JAKMIP2: variants seen among roughly 807,000 people sequenced by gnomAD.
JAKMIP2 encodes the protein janus kinase and microtubule interacting protein 2, also known as janus kinase and microtubule-interacting protein 2.
In JAKMIP2, 25 loss-of-function variants were observed where a neutral mutation model predicts 115.0. That is an observed-to-expected ratio of 0.22 (90% CI 0.16 to 0.30). The LOEUF is 0.30. Among genes scored for constraint, JAKMIP2 ranks in the 10% least tolerant of loss-of-function variants. The pLI, the probability that JAKMIP2 is intolerant of heterozygous loss-of-function variation, is 1.00. For missense variants in JAKMIP2, 642 were observed against 957.6 expected (o/e 0.67, Z 4.35); for synonymous variants, 334 against 343.6 (o/e 0.97, Z 0.31).
chr5:147,695,688 GACAGAGAC>G (rs1752078192), intron 1 of JAKMIP2, among the ~76,000 whole-genome samples: 1 of 145,720 alleles, frequency 6.9e-6, no homozygotes, highest in African/African-American at 2.6e-5. Flanking sequence ...GAGAGAGAGA[GACAGAGAC>G]AGAGACAGAG....
intron 1 of JAKMIP2, among the ~76,000 whole-genome samples, chr5:147,700,322 A>G (rs1348460769): frequency 6.6e-6 from 1 of 152,180 alleles, no homozygotes; most frequent in African/African-American, 2.4e-5. Flanking sequence ...AATAATTATA[A>G]TTGAAAATTA....
intron 1 of JAKMIP2, among the ~76,000 whole-genome samples, chr5:147,683,013 T>C (rs569948131): frequency 6.6e-6 from 1 of 152,342 alleles, no homozygotes; most frequent in South Asian, 2.1e-4. Context: ...TTGTATTTTT[T>C]CTCTGGATTC....
chr5:147,627,689 A>AC (rs1217261874), intron 16 of JAKMIP2, among the ~76,000 whole-genome samples: 3 of 150,100 alleles, frequency 2.0e-5, no homozygotes, highest in Admixed American at 6.6e-5. Context: ...AAAAAAAAAA[A>AC]AAAAAAAAAA....
intron 1 of JAKMIP2, among the ~76,000 whole-genome samples, chr5:147,728,296 G>C (rs1753597138): frequency 6.6e-6 from 1 of 152,110 alleles, no homozygotes; most frequent in Non-Finnish European, 1.5e-5. Flanking sequence ...TCCCATCAGG[G>C]TGGGCTAATC....
intron 1 of JAKMIP2, among the ~76,000 whole-genome samples, chr5:147,689,311 G>A (rs532866639): frequency 6.6e-6 from 1 of 152,292 alleles, no homozygotes; most frequent in South Asian, 2.1e-4. Flanking sequence ...TTTACTCAGA[G>A]TGGGTAGGAA....
intron 18 of JAKMIP2, among the ~76,000 whole-genome samples, chr5:147,619,245 T>A (rs1403770499): frequency 6.6e-6 from 1 of 152,204 alleles, no homozygotes; most frequent in Non-Finnish European, 1.5e-5. Flanking sequence ...AATATGGTTT[T>A]CTGAATGAGT....
chr5:147,640,237 T>G (rs900511488), intron 9 of JAKMIP2, among the ~76,000 whole-genome samples: 2 of 152,198 alleles, frequency 1.3e-5, no homozygotes, highest in African/African-American at 2.4e-5. Flanking sequence ...CAGGGAATTT[T>G]GGGAAACAAT....
intron 1 of JAKMIP2, among the ~76,000 whole-genome samples, chr5:147,692,307 A>G (rs1403596864): frequency 6.6e-6 from 1 of 152,208 alleles, no homozygotes; most frequent in East Asian, 1.9e-4. Context: ...TAGTCTTCTT[A>G]GAGCTCCGGA....
chr5:147,719,538 T>G (rs1267942868), intron 1 of JAKMIP2, among the ~76,000 whole-genome samples: 1 of 152,096 alleles, frequency 6.6e-6, no homozygotes, highest in African/African-American at 2.4e-5. Flanking sequence ...GCTCCTGTGT[T>G]GGGTGCATAT....
intron 2 of JAKMIP2, among the ~76,000 whole-genome samples, chr5:147,662,373 C>A (rs936174071): frequency 1.3e-5 from 2 of 152,104 alleles, no homozygotes; most frequent in Non-Finnish European, 2.9e-5. Context: ...TAAAATATTT[C>A]GAATAAGCTT....
intron 1 of JAKMIP2, among the ~76,000 whole-genome samples, chr5:147,765,920 T>G (rs1003464920): frequency 5.9e-5 from 9 of 152,202 alleles, no homozygotes; most frequent in Admixed American, 3.9e-4. Flanking sequence ...TGATACTTGT[T>G]TAAACATTTA....
chr5:147,680,011 A>G (rs183632692), intron 1 of JAKMIP2, among the ~76,000 whole-genome samples: 2 of 152,330 alleles, frequency 1.3e-5, no homozygotes. Context: ...TTTTGAATAA[A>G]ATTTCCTAGC....
chr5:147,771,926 T>C (rs2127076664), intron 1 of JAKMIP2, among the ~76,000 whole-genome samples: 2 of 152,216 alleles, frequency 1.3e-5, no homozygotes, highest in Admixed American at 1.3e-4. Context: ...TCTATTCATA[T>C]TCTTCCCCCT....
intron 6 of JAKMIP2, 34 bp from the exon 7 acceptor site, chr5:147,644,232 CT>C: frequency 6.8e-7 from 1 of 1,477,620 alleles, no homozygotes; most frequent in Non-Finnish European, 9.1e-7. Context: ...CAGGTGGAGA[CT>C]TTAAAAACCT....
intron 21 of JAKMIP2, among the ~76,000 whole-genome samples, chr5:147,599,423 A>G (rs1755577463): frequency 6.6e-6 from 1 of 152,228 alleles, no homozygotes; most frequent in Admixed American, 6.5e-5. Context: ...CTAACCTCTC[A>G]GCCATTTTAC....
At chr5:147,599,915 A>T (rs1406874456) in intron 21 of JAKMIP2, among the ~76,000 whole-genome samples, 1 of 152,094 alleles carries the variant, frequency 6.6e-6, no homozygotes, top group Non-Finnish European at 1.5e-5. Flanking sequence ...TGTATCTATT[A>T]CTTAGAACAG....
intron 1 of JAKMIP2, among the ~76,000 whole-genome samples, chr5:147,763,807 G>A (rs906360509): frequency 2.6e-5 from 4 of 152,072 alleles, no homozygotes; most frequent in Admixed American, 2.0e-4. Flanking sequence ...GCATGAACAG[G>A]GAAGGCCATT....
At chr5:147,775,628 A>G (rs999828060) in intron 1 of JAKMIP2, among the ~76,000 whole-genome samples, 1 of 152,186 alleles carries the variant, frequency 6.6e-6, no homozygotes, top group Non-Finnish European at 1.5e-5. Context: ...TAAGAATATG[A>G]TTTTGCCTTA....
chr5:147,719,992 G>A (rs1448615738), intron 1 of JAKMIP2, among the ~76,000 whole-genome samples: 1 of 152,088 alleles, frequency 6.6e-6, no homozygotes, highest in East Asian at 1.9e-4. Flanking sequence ...GGTACCGGTT[G>A]TTCCTTTCCA....
Sources: gnomAD v4.1 joint callset for allele counts (sites outside exome capture counted in the v4.1 genomes callset) on GRCh38, gnomAD v4.1.1 for gene constraint, MANE v1.5 for transcripts, NCBI Gene and HGNC (gene_info 2026-07-23, HGNC 2026-07-21) for gene names.